Variants in CLEC16A observed in about 807,000 individuals in gnomAD.
CLEC16A encodes C-type lectin domain containing 16A, also known as protein CLEC16A.
In CLEC16A, 51 loss-of-function variants were observed where a neutral mutation model predicts 109.5. The ratio of observed to expected loss-of-function variants is 0.47; its 90% CI spans 0.37 to 0.59. CLEC16A has a LOEUF of 0.59. CLEC16A is among the 20% of genes least tolerant of loss of function. The pLI is 0.00. For missense variants in CLEC16A, 1,339 were observed against 1,394.0 expected (o/e 0.96, Z 0.63); for synonymous variants, 673 against 564.2 (o/e 1.19, Z -2.73).
chr16:11,157,332 G>C (rs1017557200), intron 22 of CLEC16A: 7 of 774,624 alleles, frequency 9.0e-6, no homozygotes, highest in Non-Finnish European at 1.2e-5. Flanking sequence ...GGTGCCTGAT[G>C]TGTAGACCTG....
At chr16:11,027,397 C>T (rs1190967076) in intron 13 of CLEC16A, 1 of 1,425,384 alleles carries the variant, frequency 7.0e-7, no homozygotes, top group Non-Finnish European at 9.8e-7. Flanking sequence ...AAAGTCACCC[C>T]CCAGAATCTA....
At chr16:11,016,430 C>T (rs540289031) in intron 11 of CLEC16A, among the ~76,000 whole-genome samples, 1 of 151,656 alleles carries the variant, frequency 6.6e-6, no homozygotes, top group African/African-American at 2.4e-5. Context: ...CTCACTGCAA[C>T]CCCCACCCCC....
intron 1 of CLEC16A, among the ~76,000 whole-genome samples, chr16:10,946,913 G>C (rs1160746034): frequency 1.3e-5 from 2 of 152,188 alleles, no homozygotes; most frequent in African/African-American, 4.8e-5. Context: ...TTTGACTCCC[G>C]AGCTTGTGCT....
intron 12 of CLEC16A, 142 bp from the exon 13 acceptor site, chr16:11,024,679 A>C: frequency 1.6e-6 from 1 of 607,910 alleles, no homozygotes; most frequent in Admixed American, 2.6e-5. Flanking sequence ...CTGTGTCCTC[A>C]GTGCGTGGTG....
chr16:11,120,782 G>T lies in CLEC16A; in HGVS notation c.2268+16G>T, dbSNP rs199582436. ...CCTATTGCAGGTAAGATGGCCAGGA[G>T]CTCTGGGATCTGTTCTCAGTTGGCT... On this transcript the variant is annotated intron_variant, in intron 20 of 23. Transcript: ENST00000409790. 2.8e-5 allele frequency: 42 copies of T among 1,505,552 alleles called. No homozygotes were observed. In the African/African-American group the frequency reaches 4.3e-4, roughly 15 times the overall value. The allele number at this position is 1,505,552 out of a possible 1,614,324, so 93.3% of individuals were successfully genotyped here.
At chr16:11,036,920 T>C (rs892323399) in intron 13 of CLEC16A, among the ~76,000 whole-genome samples, 39 of 152,196 alleles carry the variant, frequency 2.6e-4, no homozygotes, top group African/African-American at 9.2e-4. Context: ...TTCTCATCCA[T>C]GCATTAAGCA....
At chr16:11,150,907 C>G (rs2054268360) in intron 22 of CLEC16A, among the ~76,000 whole-genome samples, 1 of 152,286 alleles carries the variant, frequency 6.6e-6, no homozygotes, top group South Asian at 2.1e-4. Context: ...CCCAGTCTTG[C>G]CTTCATCTTC....
Position 11,074,635 on chromosome 16 carries a change from C to A in CLEC16A, c.2116+13613C>A, listed in dbSNP as rs554166653. Among the ~76,000 whole-genome samples, 9 of 152,222 alleles carry A rather than the reference C, an allele frequency of 5.9e-5. No individual in the cohort carries two copies. In the South Asian group the frequency reaches 1.5e-3, roughly 25 times the overall value. Reference sequence around the variant, plus strand: ...AATCTTTCCCTGTTTTATAAACTTACAATCATAATTGAGCCACATTAGAGA... The same window carrying A: ...AATCTTTCCCTGTTTTATAAACTTAAAATCATAATTGAGCCACATTAGAGA... On this transcript the variant is annotated intron_variant, in intron 19 of 23. Transcript: ENST00000409790.
At chr16:11,071,140 A>G (rs773425700) in intron 19 of CLEC16A, 2 of 152,154 alleles carry the variant, frequency 1.3e-5, no homozygotes, top group South Asian at 2.1e-4. Context: ...CCAAGCAAGT[A>G]TGTGGTTTGA....
At position 11,102,900 on chromosome 16, in the gene CLEC16A, C is replaced by T. The variant is rs887709326; in HGVS notation, c.2117-17715C>T. ...TCACCTCTATTTGCTGATGAGGTAC[C>T]TGAGGGCCAGAGGGGAGACGGCAAC... is the stretch of plus-strand genomic sequence containing the variant. On this transcript the variant is annotated intron_variant, in intron 19 of 23. Transcript: ENST00000409790. Among the ~76,000 whole-genome samples, 13 of 152,332 alleles carry T rather than the reference C, an allele frequency of 8.5e-5. No individual in the cohort carries two copies. The South Asian group carries it at 1.4e-3, about 17-fold the overall frequency.
At position 10,989,732 on chromosome 16, in the gene CLEC16A, A is replaced by T. The variant is rs965271928; in HGVS notation, c.1071+6741A>T. On this transcript the variant is annotated intron_variant, in intron 10 of 23. Transcript: ENST00000409790. The stretch of plus-strand genomic sequence containing the variant: ...GACACCTGTCACTTCTAGTAGCAGG[A>T]CTCTCTGCCCAGCCGGATACTCCCC... 2.6e-5 allele frequency among the ~76,000 whole-genome samples: 4 copies of T among 151,860 alleles called. No homozygotes were observed. In the East Asian group the frequency reaches 5.8e-4, roughly 22 times the overall value.
chr16:11,123,103 C>T (rs1294383236), intron 20 of CLEC16A, among the ~76,000 whole-genome samples: 2 of 151,906 alleles, frequency 1.3e-5, no homozygotes, highest in Admixed American at 6.6e-5. Context: ...TGGGTTTCAC[C>T]CTCTTGGCCA....
chr16:11,115,047 G>A (rs78631946), intron 19 of CLEC16A, among the ~76,000 whole-genome samples: 2 of 152,184 alleles, frequency 1.3e-5, no homozygotes, highest in African/African-American at 2.4e-5. Flanking sequence ...TTTGTTCTTT[G>A]TGGTGGAGGT....
chr16:11,017,536 T>C (rs2045831518), intron 11 of CLEC16A, among the ~76,000 whole-genome samples: 1 of 152,230 alleles, frequency 6.6e-6, no homozygotes, highest in South Asian at 2.1e-4. Context: ...AAGTGTGGCC[T>C]GTGTTTACTG....
intron 11 of CLEC16A, among the ~76,000 whole-genome samples, chr16:11,014,332 C>T (rs543581653): frequency 6.6e-6 from 1 of 152,134 alleles, no homozygotes; most frequent in East Asian, 1.9e-4. Flanking sequence ...ATAGTTGATT[C>T]CATCGGTCTG....
At position 10,949,903 on chromosome 16, in the gene CLEC16A, A is replaced by T. The variant is rs112068415; in HGVS notation, c.80+5106A>T. Among the ~76,000 whole-genome samples, 1,255 of 152,206 alleles carry T rather than the reference A, an allele frequency of 8.2e-3. 13 individuals carry two copies. The highest frequency in any genetic ancestry group is 0.029 in the African/African-American group (1,206 of 41,508). ...CACACATACCTCGCCTGCCCACTTG[A>T]GGTCCCCTGCTCTTTTCCTCCTGCC... On this transcript the variant is annotated intron_variant, in intron 1 of 23. Coordinates refer to ENST00000409790, the MANE Select transcript of CLEC16A (RefSeq NM_015226.3).
intron 1 of CLEC16A, among the ~76,000 whole-genome samples, chr16:10,948,075 A>G (rs941745893): frequency 1.3e-5 from 2 of 152,038 alleles, no homozygotes; most frequent in Admixed American, 1.3e-4. Context: ...TTGTATTTTT[A>G]GTAGAGACGG....
intron 22 of CLEC16A, among the ~76,000 whole-genome samples, chr16:11,137,405 C>G (rs2053619045): frequency 6.6e-6 from 1 of 151,934 alleles, no homozygotes; most frequent in Non-Finnish European, 1.5e-5. Flanking sequence ...AGACAATCCC[C>G]TGGAACAAGG....
At chr16:11,149,328 C>T (rs547300483) in intron 22 of CLEC16A, among the ~76,000 whole-genome samples, 7 of 152,166 alleles carry the variant, frequency 4.6e-5, no homozygotes, top group South Asian at 4.2e-4. Flanking sequence ...AATACATGAA[C>T]GTAGAATATT....
Sources: gnomAD v4.1 joint callset for allele counts (sites outside exome capture counted in the v4.1 genomes callset) on GRCh38, gnomAD v4.1.1 for gene constraint, MANE v1.5 for transcripts, NCBI Gene and HGNC (gene_info 2026-07-23, HGNC 2026-07-21) for gene names.